TMPO: variants seen among roughly 807,000 people sequenced by gnomAD.
TMPO encodes LEM domain containing 4.
TMPO carries 22 observed loss-of-function variants against 45.4 expected under a neutral mutation model. The observed-to-expected ratio is 0.48, with a 90% confidence interval of 0.35 to 0.69. The LOEUF is 0.69. Among genes scored for constraint, TMPO ranks in the 30% least tolerant of loss-of-function variants. TMPO has a pLI of 0.01. For synonymous variants in TMPO, 241 were observed against 204.1 expected (o/e 1.18, Z -1.54); for missense variants, 512 against 548.8 (o/e 0.93, Z 0.67).
intron 2 of TMPO, among the ~76,000 whole-genome samples, chr12:98,528,270 GTTTTGTTTTGTT>G (rs1163778753): frequency 1.5e-5 from 2 of 133,272 alleles, no homozygotes; most frequent in African/African-American, 2.8e-5. Flanking sequence ...TTTTTTTTTG[GTTTTGTTTTGTT>G]TTTTGTTTTT....
intron 1 of TMPO, among the ~76,000 whole-genome samples, chr12:98,520,793 C>G (rs947796023): frequency 3.4e-4 from 52 of 151,736 alleles, no homozygotes; most frequent in Non-Finnish European, 6.6e-4. Context: ...AGGATGGTCT[C>G]TATCTCCTGA....
chr12:98,528,370 G>A (rs1437122456), intron 2 of TMPO, among the ~76,000 whole-genome samples: 16 of 151,286 alleles, frequency 1.1e-4, no homozygotes, highest in African/African-American at 2.7e-4. Flanking sequence ...TCTGCCTCCC[G>A]GGTTCATGCC....
intron 2 of TMPO, among the ~76,000 whole-genome samples, chr12:98,528,538 A>C (rs1876954444): frequency 6.6e-6 from 1 of 151,976 alleles, no homozygotes; most frequent in African/African-American, 2.4e-5. Context: ...CGGCCTCCCA[A>C]AGTGCTGGGA....
Position 98,527,881 on chromosome 12 carries a change from T to G in TMPO, c.280-5T>G. On this transcript the variant is annotated splice_region_variant and splice_polypyrimidine_tract_variant and intron_variant, in intron 1 of 8. Transcript: ENST00000556029. Reference sequence around the variant, plus strand: ...ATGGAAATGATTACTGGACTTTGTTTACAGAAAGCCACAAAAAAAACTGAT... The same window carrying G: ...ATGGAAATGATTACTGGACTTTGTTGACAGAAAGCCACAAAAAAAACTGAT... 1 of 1,613,588 alleles carries G rather than the reference T, an allele frequency of 6.2e-7. No homozygotes were observed. The highest frequency in any genetic ancestry group is 8.5e-7 in the Non-Finnish European group (1 of 1,179,820).
intron 3 of TMPO, chr12:98,534,958 G>T (rs1877482283): frequency 2.2e-6 from 2 of 908,530 alleles, no homozygotes; most frequent in South Asian, 1.0e-4. Flanking sequence ...TTTAAATCTA[G>T]AGATACTTTT....
At chr12:98,544,587 TTTAA>T (rs921227643) in intron 6 of TMPO, 50 bp downstream of exon 6, 5 of 1,471,506 alleles carry the variant, frequency 3.4e-6, no homozygotes. Context: ...TAAATTACCC[TTTAA>T]TTGGAAATGG....
At chr12:98,527,547 ATT>A in intron 1 of TMPO, 1 of 196,890 alleles carries the variant, frequency 5.1e-6, no homozygotes, top group Non-Finnish European at 1.0e-5. Flanking sequence ...AAAAAAGGTT[ATT>A]TAAAAGAAAA....
At chr12:98,533,326 A>G in intron 3 of TMPO, 1 of 1,614,182 alleles carries the variant, frequency 6.2e-7, no homozygotes, top group Non-Finnish European at 8.5e-7. Context: ...CTCCAGTAAA[A>G]GGAAAGCACT....
intron 4 of TMPO, among the ~76,000 whole-genome samples, chr12:98,540,523 C>T (rs1877851031): frequency 6.6e-6 from 1 of 152,154 alleles, no homozygotes; most frequent in South Asian, 2.1e-4. Context: ...GGATTACAGG[C>T]ATGTGCCACC....
chr12:98,515,732 TC>T lies in TMPO; in HGVS notation c.-134del. ...TGGCTTTGTGTCCGCGAGTTTTTGT[TC>T]CGCTCCGCAGCGCTCTTCCCGGGCA... On this transcript the variant is annotated 5_prime_UTR_variant, in exon 1 of 9. Coordinates refer to ENST00000556029, the MANE Select transcript of TMPO (RefSeq NM_001032283.3). 6.6e-7 allele frequency: 1 copy of T among 1,522,154 alleles called. No homozygotes were observed. The highest frequency in any genetic ancestry group is 8.8e-7 in the Non-Finnish European group (1 of 1,133,798). 94.3% of individuals were successfully genotyped at this position (1,522,154 alleles called of 1,614,324 possible).
At chr12:98,521,957 C>T (rs1267043356) in intron 1 of TMPO, among the ~76,000 whole-genome samples, 1 of 152,040 alleles carries the variant, frequency 6.6e-6, no homozygotes, top group Non-Finnish European at 1.5e-5. Context: ...CAAACTCCTT[C>T]CTGACTTTGT....
intron 4 of TMPO, among the ~76,000 whole-genome samples, chr12:98,541,056 C>A (rs915191137): frequency 3.3e-5 from 5 of 151,822 alleles, no homozygotes; most frequent in African/African-American, 1.2e-4. Context: ...TTTTGATGTT[C>A]ACATTGTGCC....
intron 4 of TMPO, among the ~76,000 whole-genome samples, chr12:98,538,643 G>T (rs550098826): frequency 1.3e-5 from 2 of 151,984 alleles, no homozygotes; most frequent in Non-Finnish European, 2.9e-5. Flanking sequence ...GTGAGCCACC[G>T]CGCCCAGCCT....
At chr12:98,540,296 C>A (rs978840572) in intron 4 of TMPO, among the ~76,000 whole-genome samples, 1 of 152,186 alleles carries the variant, frequency 6.6e-6, no homozygotes, top group Non-Finnish European at 1.5e-5. Flanking sequence ...CTGTGCTATC[C>A]GTTACAGTAG....
intron 3 of TMPO, chr12:98,535,676 C>T (rs1041834477): frequency 7.5e-5 from 74 of 985,138 alleles, no homozygotes; most frequent in Non-Finnish European, 8.7e-5. Context: ...GTGCTTTATT[C>T]TTGGAGTTGC....
Position 98,544,454 on chromosome 12 carries a change from G to C in TMPO, c.796G>C (p.Glu266Gln). 1.9e-6 allele frequency: 3 copies of C among 1,613,828 alleles called. No individual in the cohort carries two copies. The highest frequency in any genetic ancestry group is 2.5e-6 in the Non-Finnish European group (3 of 1,179,874). Residue 266 changes from glutamate to glutamine, a missense_variant, in exon 6 of 9, where the codon GAA becomes CAA. By Grantham distance (29) the Glu-to-Gln change is conservative. Around this residue, in one of 3 missense-constraint regions of TMPO, gnomAD observed 209 missense variants for 235.1 expected, o/e 0.89. Coordinates refer to ENST00000556029, the MANE Select transcript of TMPO (RefSeq NM_001032283.3). ...RTPRKRVETS[E>Q]HFRIDGPVIS... ...TTCAAACTAACAGGTGGAAACTTCA[G>C]AACATTTTCGTATAGATGGTCCAGT...
intron 1 of TMPO, among the ~76,000 whole-genome samples, chr12:98,524,606 T>C: frequency 6.6e-6 from 1 of 152,030 alleles, no homozygotes; most frequent in Non-Finnish European, 1.5e-5. Context: ...AGTTAAGATT[T>C]TTTTTGAGAC....
chr12:98,543,979 C>T (rs1409305422), intron 4 of TMPO, among the ~76,000 whole-genome samples: 1 of 151,970 alleles, frequency 6.6e-6, no homozygotes, highest in Non-Finnish European at 1.5e-5. Flanking sequence ...TGCTTTTTTT[C>T]CCATAATGTT....
chr12:98,528,010 T>G lies in TMPO; in HGVS notation c.404T>G (p.Val135Gly). The G allele has an allele frequency of 6.2e-7, 1 of 1,613,886 alleles. No homozygotes were observed. Among genetic ancestry groups the G allele is most frequent in the Non-Finnish European group, 8.5e-7 (1 of 1,179,892 alleles). The change falls in exon 2 of 9, where the codon GTG (valine) becomes GGG (glycine). Residue 135 changes from valine to glycine, a missense_variant and splice_region_variant. Val to Gly is a moderately radical substitution (Grantham distance 109). Around this residue, in one of 3 missense-constraint regions of TMPO, gnomAD observed 299 missense variants for 296.7 expected, o/e 1.01. Transcript: ENST00000556029. ...VKYGVNPGPI[V>G]GTTRKLYEKK... is the part of the protein sequence containing the mutation. ...TACGGAGTGAATCCTGGTCCTATTG[T>G]GGGTAAGTTGATAAAATTTCAAATA...
Sources: allele counts gnomAD v4.1 joint callset (sites outside exome capture counted in the v4.1 genomes callset), GRCh38; gene constraint gnomAD v4.1.1; regional missense constraint gnomAD v4.1.1; transcripts MANE v1.5; gene names NCBI Gene and HGNC (gene_info 2026-07-23, HGNC 2026-07-21).